PDE4B: variants seen among roughly 807,000 people sequenced by gnomAD.
The protein encoded by PDE4B is 3',5'-cyclic-AMP phosphodiesterase 4B.
Under a neutral mutation model 82.2 loss-of-function variants are expected in PDE4B, and 20 were observed. The observed-to-expected ratio is 0.24, with a 90% CI of 0.17 to 0.35. The LOEUF (loss-of-function observed/expected upper bound fraction) is 0.35. Among genes scored for constraint, PDE4B ranks in the 10% least tolerant of loss-of-function variants. The pLI, the probability that PDE4B is intolerant of heterozygous loss-of-function variation, is 1.00. For synonymous variants in PDE4B, 320 were observed against 318.9 expected, an observed-to-expected ratio of 1.00 and a Z score of -0.04; for missense variants, 655 against 907.2, an observed-to-expected ratio of 0.72 and a Z score of 3.57.
At position 66,095,177 on chromosome 1, in the gene PDE4B, G is replaced by A. The variant is rs530328433; in HGVS notation, c.282-152283G>A. Among the ~76,000 whole-genome samples, 49 of 152,020 alleles carry A rather than the reference G, an allele frequency of 3.2e-4. 1 individual carries two copies. The South Asian group carries it at 0.01, about 32-fold the overall frequency. On this transcript the variant is annotated intron_variant, in intron 3 of 16. Coordinates refer to ENST00000341517, the MANE Select transcript of PDE4B (RefSeq NM_002600.4). ...TTGAGAGGTAATATTATTCAGTAGAGTGTACATAGACTTTTTGAACTAGAA... is the reference window on the plus strand; with the variant it reads ...TTGAGAGGTAATATTATTCAGTAGAATGTACATAGACTTTTTGAACTAGAA...
chr1:65,985,260 A>G lies in PDE4B; in HGVS notation c.281+66425A>G, dbSNP rs546994483. On this transcript the variant is annotated intron_variant, in intron 3 of 16. Transcript: ENST00000341517. The stretch of plus-strand genomic sequence containing the variant: ...CTTGTGAATGTCCACTTAAACACAT[A>G]ATGGATCTCTGCATATTGTTCTTTT... Among the ~76,000 whole-genome samples, 3 of 152,270 alleles carry G rather than the reference A, an allele frequency of 2.0e-5. No homozygotes were observed. In the South Asian group the frequency reaches 6.2e-4, roughly 32 times the overall value.
intron 1 of PDE4B, among the ~76,000 whole-genome samples, chr1:65,810,112 T>C (rs1179976635): frequency 1.3e-5 from 2 of 152,228 alleles, no homozygotes; most frequent in East Asian, 3.8e-4. Flanking sequence ...GGACAGGCAG[T>C]GTATAGCTTC....
At chr1:66,054,475 CT>C (rs1466142040) in intron 3 of PDE4B, among the ~76,000 whole-genome samples, 2 of 152,212 alleles carry the variant, frequency 1.3e-5, no homozygotes, top group African/African-American at 2.4e-5. Flanking sequence ...TTCTAGATAT[CT>C]GTTCAACATA....
At chr1:66,266,798 A>G in intron 7 of PDE4B, 2 of 446,798 alleles carry the variant, frequency 4.5e-6, no homozygotes, top group South Asian at 3.3e-5. Flanking sequence ...GTTCTATGAT[A>G]TTTGTTAAAG....
chr1:66,259,064 T>C (rs1654478955), intron 6 of PDE4B, among the ~76,000 whole-genome samples: 1 of 152,242 alleles, frequency 6.6e-6, no homozygotes, highest in African/African-American at 2.4e-5. Flanking sequence ...TGATAGTTGC[T>C]TGGGTTTATA....
intron 1 of PDE4B, among the ~76,000 whole-genome samples, chr1:65,882,299 C>A (rs1412309711): frequency 6.6e-6 from 1 of 152,186 alleles, no homozygotes; most frequent in African/African-American, 2.4e-5. Context: ...TTCCAACTGG[C>A]TGACTTTCAG....
chr1:66,109,899 G>A (rs1645446316), intron 3 of PDE4B, among the ~76,000 whole-genome samples: 1 of 151,888 alleles, frequency 6.6e-6, no homozygotes, highest in South Asian at 2.1e-4. Flanking sequence ...ATCAGACGTT[G>A]AATTAGTGGA....
chr1:65,821,508 T>A (rs1645952287), intron 1 of PDE4B, among the ~76,000 whole-genome samples: 1 of 152,204 alleles, frequency 6.6e-6, no homozygotes, highest in Non-Finnish European at 1.5e-5. Flanking sequence ...CCAGTCCTGG[T>A]CTTCCTACAT....
intron 3 of PDE4B, among the ~76,000 whole-genome samples, chr1:66,002,193 T>G (rs1307676763): frequency 6.7e-6 from 1 of 149,910 alleles, no homozygotes; most frequent in Non-Finnish European, 1.5e-5. Flanking sequence ...AGATAAGTAG[T>G]GGTAACTTAC....
chr1:66,016,229 G>C (rs1652767940), intron 3 of PDE4B, among the ~76,000 whole-genome samples: 1 of 152,136 alleles, frequency 6.6e-6, no homozygotes, highest in African/African-American at 2.4e-5. Flanking sequence ...CAGTAACTTA[G>C]CTATTATTGT....
intron 1 of PDE4B, among the ~76,000 whole-genome samples, chr1:65,843,626 G>C (rs4077430): frequency 1.3e-5 from 2 of 152,002 alleles, no homozygotes; most frequent in Middle Eastern, 3.2e-3. Flanking sequence ...ATATATATGC[G>C]TTTAATCAGT....
chr1:66,350,584 T>A (rs17128823), intron 8 of PDE4B, among the ~76,000 whole-genome samples: 2,884 of 152,196 alleles, frequency 0.019, 82 homozygotes, highest in East Asian at 0.063. Context: ...TATACTAGCT[T>A]CCTGTGTTAT....
chr1:65,868,853 C>T lies in PDE4B; in HGVS notation c.-70-44392C>T, dbSNP rs531354541. 8.5e-5 allele frequency among the ~76,000 whole-genome samples: 13 copies of T among 152,278 alleles called. No homozygotes were observed. In the East Asian group the frequency reaches 2.3e-3, roughly 27 times the overall value. ...GTGCATGCGAGGGATCTAGGTTGCA[C>T]ACTTTTTATGAGAATCTAACTAATG... On this transcript the variant is annotated intron_variant, in intron 1 of 16. Transcript: ENST00000341517.
chr1:66,194,847 G>A (rs1648150324), intron 3 of PDE4B, among the ~76,000 whole-genome samples: 1 of 152,034 alleles, frequency 6.6e-6, no homozygotes, highest in Non-Finnish European at 1.5e-5. Flanking sequence ...TCATAACAGA[G>A]ATTAACACTC....
intron 3 of PDE4B, among the ~76,000 whole-genome samples, chr1:66,070,478 AC>A: frequency 6.6e-6 from 1 of 151,980 alleles, no homozygotes; most frequent in Non-Finnish European, 1.5e-5. Context: ...ACACTAAGTG[AC>A]AATAAACCAT....
chr1:66,061,373 G>T (rs951809342), intron 3 of PDE4B, among the ~76,000 whole-genome samples: 43 of 151,752 alleles, frequency 2.8e-4, no homozygotes, highest in African/African-American at 9.7e-4. Context: ...GAAACCAAAG[G>T]TCTGATGTCT....
At chr1:66,259,774 G>A (rs1047695605) in intron 6 of PDE4B, among the ~76,000 whole-genome samples, 2 of 152,106 alleles carry the variant, frequency 1.3e-5, no homozygotes. Flanking sequence ...ATGAACTTCT[G>A]AATAAATAAT....
chr1:65,816,237 G>GAGAT (rs1389206421), intron 1 of PDE4B, among the ~76,000 whole-genome samples: 4 of 58,672 alleles, frequency 6.8e-5, no homozygotes, highest in Non-Finnish European at 1.1e-4. Context: ...ATGAGAGAGA[G>GAGAT]AGAGATAGAG....
At chr1:66,355,447 G>T in intron 8 of PDE4B, 80 bp from the exon 9 acceptor site, 1 of 846,056 alleles carries the variant, frequency 1.2e-6, no homozygotes, top group Admixed American at 2.0e-5. Context: ...CTTGATTCCT[G>T]GACAGTAAAG....
Sources: allele counts gnomAD v4.1 joint callset (sites outside exome capture counted in the v4.1 genomes callset), GRCh38; gene constraint gnomAD v4.1.1; transcripts MANE v1.5; gene names NCBI Gene and HGNC (gene_info 2026-07-23, HGNC 2026-07-21).